The following C10orf105 variants were observed in gnomAD, a reference collection of about 807,000 sequenced individuals.
The protein encoded by C10orf105 is chromosome 10 open reading frame 105.
Under a neutral mutation model 0.6 loss-of-function variants are expected in C10orf105, and 2 were observed. The ratio of observed to expected loss-of-function variants is 3.18; its 90% CI spans 1.30 to 10.01. C10orf105 has a LOEUF of 10.01. Ranked by LOEUF, C10orf105 falls within the 30% of genes most tolerant of loss-of-function variation. C10orf105 has a pLI of 0.04. For missense variants in C10orf105, 209 were observed against 191.4 expected (o/e 1.09, Z -0.54); for synonymous variants, 95 against 82.4 (o/e 1.15, Z -0.83).
rs749805386 is a variant in C10orf105, at chr10:71,732,226, G to A, written c.-6+5502C>T. 1.2e-5 allele frequency: 20 copies of A among 1,613,628 alleles called. No homozygotes were observed. Among genetic ancestry groups the A allele is most frequent in the Admixed American group, 1.0e-4 (6 of 59,980 alleles). Reference sequence around the variant, plus strand: ...CGTGCAGTTCTCCAATGCCTCATACGAGGCTGCCATCCTGGAGAATCTGGC... The same window carrying A: ...CGTGCAGTTCTCCAATGCCTCATACAAGGCTGCCATCCTGGAGAATCTGGC... On this transcript the variant is annotated intron_variant, in intron 1 of 1. Coordinates refer to the C10orf105 transcript ENST00000398786.
At chr10:71,729,720 T>G (rs1839292537) in intron 1 of C10orf105, among the ~76,000 whole-genome samples, 1 of 152,214 alleles carries the variant, frequency 6.6e-6, no homozygotes, top group Admixed American at 6.5e-5. Context: ...CCAAGATATA[T>G]TTTAATATTT....
chr10:71,712,740 G>A lies in C10orf105; in HGVS notation c.*3196C>T, dbSNP rs1295355040. On this transcript the variant is annotated 3_prime_UTR_variant, in exon 2 of 2. Transcript: ENST00000441508. ...ACTGTCCTGGATGTGAATGACAACC[G>A]GCCCATCTTTCTGCAGAGCAGCTAT... 11 of 1,613,514 alleles carry A rather than the reference G, an allele frequency of 6.8e-6. No individual in the cohort carries two copies. Among genetic ancestry groups the A allele is most frequent in the African/African-American group, 2.7e-5 (2 of 74,948 alleles).
In C10orf105 at chr10:71,732,066, C is replaced by T. The variant is rs915382864; in HGVS notation, c.-6+5662G>A. The T allele has an allele frequency of 1.9e-6, 3 of 1,614,044 alleles. No individual in the cohort carries two copies. In the East Asian group the frequency reaches 6.7e-5, roughly 36 times the overall value. On this transcript the variant is annotated intron_variant, in intron 1 of 1. Transcript: ENST00000398786. ...AGATTGACGAGAGCACAGGGCTTAT[C>T]ATCACCGTGAATTACCTGGACTACG... is the stretch of plus-strand genomic sequence containing the variant.
At chr10:71,732,115 A>G in intron 1 of C10orf105, 1 of 1,613,978 alleles carries the variant, frequency 6.2e-7, no homozygotes, top group East Asian at 2.2e-5. Context: ...CTACATGATG[A>G]ATGTGTCGGC....
At chr10:71,733,083 C>T (rs1839444047) in intron 1 of C10orf105, among the ~76,000 whole-genome samples, 1 of 152,210 alleles carries the variant, frequency 6.6e-6, no homozygotes, top group Admixed American at 6.5e-5. Flanking sequence ...CTGGCTAAAT[C>T]AGAGTTCCCA....
Position 71,712,817 on chromosome 10 carries a change from G to T in C10orf105, c.*3119C>A, listed in dbSNP as rs1866032999. On this transcript the variant is annotated 3_prime_UTR_variant, in exon 2 of 2. Coordinates refer to ENST00000441508, the MANE Select transcript of C10orf105 (RefSeq NM_001164375.3). Reference sequence around the variant, plus strand: ...TGAAGGCCACAGCATCTTGCAGGCAGGTGGCCCGTGGCCTCTGGGGCAGGT... The same window carrying T: ...TGAAGGCCACAGCATCTTGCAGGCATGTGGCCCGTGGCCTCTGGGGCAGGT... 1 of 1,609,880 alleles carries T rather than the reference G, an allele frequency of 6.2e-7. No homozygotes were observed. Among genetic ancestry groups the T allele is most frequent in the East Asian group, 2.2e-5 (1 of 44,772 alleles).
intron 1 of C10orf105, among the ~76,000 whole-genome samples, chr10:71,736,484 G>T (rs1839569349): frequency 1.3e-5 from 2 of 152,220 alleles, no homozygotes; most frequent in Admixed American, 1.3e-4. Flanking sequence ...GCATGGCTCT[G>T]CTATAAGAGC....
chr10:71,712,634 G>T lies in C10orf105; in HGVS notation c.*3302C>A, dbSNP rs775105547. ...AAGTGTGCCCCTCTCTCAGGCAGCT[G>T]CTAACACCTGTCTTCCTTCAACTCC... On this transcript the variant is annotated 3_prime_UTR_variant, in exon 2 of 2. Transcript: ENST00000441508. 1.2e-5 allele frequency: 20 copies of T among 1,610,622 alleles called. No individual in the cohort carries two copies. The highest frequency in any genetic ancestry group is 1.6e-4 in the Middle Eastern group (1 of 6,072).
chr10:71,718,386 C>T (rs1468651195), intron 1 of C10orf105, among the ~76,000 whole-genome samples: 2 of 152,040 alleles, frequency 1.3e-5, no homozygotes, highest in Non-Finnish European at 2.9e-5. Context: ...CCCCTCCCAG[C>T]ACTTCCAGGC....
chr10:71,736,148 A>G (rs1167316198), intron 1 of C10orf105, among the ~76,000 whole-genome samples: 2 of 152,182 alleles, frequency 1.3e-5, no homozygotes, highest in Non-Finnish European at 2.9e-5. Flanking sequence ...TTCGGAGCAC[A>G]CACTTCTGCC....
In C10orf105 at chr10:71,712,685, C is replaced by T. The variant is rs866435331; in HGVS notation, c.*3251G>A. The T allele has an allele frequency of 1.9e-6, 3 of 1,613,560 alleles. No homozygotes were observed. The highest frequency in any genetic ancestry group is 1.7e-5 in the Admixed American group (1 of 60,002). ...CACAGACAACGGCCCTGTAGGGAAGCGACACACGGGCACAGCCACCGTGTT... is the reference window on the plus strand; with the variant it reads ...CACAGACAACGGCCCTGTAGGGAAGTGACACACGGGCACAGCCACCGTGTT... On this transcript the variant is annotated 3_prime_UTR_variant, in exon 2 of 2. Transcript: ENST00000441508.
chr10:71,731,867 GGT>G lies in C10orf105; in HGVS notation c.-6+5859_-6+5860del. The G allele has an allele frequency of 3.0e-6, 3 of 994,034 alleles. No individual in the cohort carries two copies. In the South Asian group the frequency reaches 5.0e-5, roughly 16 times the overall value. 61.6% of individuals were successfully genotyped at this position (994,034 alleles called of 1,614,324 possible). ...CTCTGAGGATGATCCTGCCGGCAGA[GGT>G]GGGGCAGCCCATGCTGGGTGGGCCA... On this transcript the variant is annotated intron_variant, in intron 1 of 1. Coordinates refer to the C10orf105 transcript ENST00000398786.
At chr10:71,724,111 T>C, upstream of C10orf105, 1 of 1,555,692 alleles carries the variant, frequency 6.4e-7, no homozygotes, top group Non-Finnish European at 8.7e-7. Context: ...CCATGGTAAG[T>C]GGGGCTGCCC....
At chr10:71,734,395 C>T (rs1321281562) in intron 1 of C10orf105, 11 of 1,544,302 alleles carry the variant, frequency 7.1e-6, no homozygotes, top group African/African-American at 1.4e-5. Flanking sequence ...CTGGCCATGA[C>T]ACTTCCTAAC....
chr10:71,730,542 T>C, intron 1 of C10orf105: 2 of 1,613,936 alleles, frequency 1.2e-6, no homozygotes, highest in Non-Finnish European at 1.7e-6. Context: ...CGTCTGGGGC[T>C]TCGAGAGACC....
In C10orf105 at chr10:71,728,936, T is replaced by C. The variant is rs529973882; in HGVS notation, c.-6+8792A>G. ...GTCTCAAACTCCTGGGCTCAAGCGA[T>C]CCTCTTGCCTCCGCCTCCCTAGTAG... On this transcript the variant is annotated intron_variant, in intron 1 of 1. Transcript: ENST00000398786. 1.1e-4 allele frequency among the ~76,000 whole-genome samples: 16 copies of C among 152,248 alleles called. No homozygotes were observed. In the East Asian group the frequency reaches 3.1e-3, roughly 29 times the overall value.
intron 1 of C10orf105, chr10:71,730,419 C>G: frequency 6.3e-7 from 1 of 1,598,900 alleles, no homozygotes; most frequent in Non-Finnish European, 8.5e-7. Context: ...CCCTGGGCTT[C>G]CCAGCCTCCA....
At chr10:71,718,491 TCTGG>T (rs1353832327) in intron 1 of C10orf105, among the ~76,000 whole-genome samples, 6 of 152,212 alleles carry the variant, frequency 3.9e-5, no homozygotes, top group African/African-American at 7.2e-5. Context: ...TAGAGAGCAC[TCTGG>T]CTGGGCAGCT....
chr10:71,724,876 C>A (rs1322106762), intron 1 of C10orf105, among the ~76,000 whole-genome samples: 1 of 152,158 alleles, frequency 6.6e-6, no homozygotes, highest in Non-Finnish European at 1.5e-5. Flanking sequence ...GAGTAGATCC[C>A]CAAAGAAAAA....
Sources: allele counts gnomAD v4.1 joint callset (sites outside exome capture counted in the v4.1 genomes callset), GRCh38; gene constraint gnomAD v4.1.1; transcripts MANE v1.5; gene names NCBI Gene and HGNC (gene_info 2026-07-23, HGNC 2026-07-21).